The following EMC3 variants were observed in gnomAD, a reference collection of about 807,000 sequenced individuals.
EMC3 encodes ER membrane protein complex subunit 3.
Under a neutral mutation model 36.6 loss-of-function variants are expected in EMC3, and 13 were observed. That is an observed-to-expected ratio of 0.35 (90% CI 0.23 to 0.56). EMC3 has a LOEUF of 0.56. EMC3 is among the 20% of genes least tolerant of loss of function. The pLI is 0.84. For synonymous variants in EMC3, 120 were observed against 111.9 expected (o/e 1.07, Z -0.46); for missense variants, 220 against 324.5 (o/e 0.68, Z 2.47).
intron 1 of EMC3, among the ~76,000 whole-genome samples, chr3:10,001,405 C>CAAAAAAA (rs60785369): frequency 2.5e-5 from 2 of 79,654 alleles, no homozygotes; most frequent in African/African-American, 4.1e-5. Flanking sequence ...GCTAAAAATA[C>CAAAAAAA]AAAAAAAAAA....
intron 1 of EMC3, chr3:10,005,180 G>C (rs1381339223): frequency 6.6e-6 from 1 of 151,510 alleles, no homozygotes; most frequent in African/African-American, 2.4e-5. Context: ...TGGCCACATC[G>C]AGGAGGAAGA....
upstream of EMC3, among the ~76,000 whole-genome samples, chr3:9,991,331 G>T (rs1004886261): frequency 1.3e-5 from 2 of 152,108 alleles, no homozygotes; most frequent in African/African-American, 4.8e-5. Flanking sequence ...GGAATCTACA[G>T]ATGTAAAAAA....
upstream of EMC3, among the ~76,000 whole-genome samples, chr3:9,991,562 C>T (rs1435494954): frequency 6.6e-6 from 1 of 152,162 alleles, no homozygotes; most frequent in East Asian, 1.9e-4. Context: ...TGTCGCCAGG[C>T]TGGAGTGCAG....
At chr3:9,996,462 TA>T (rs2086126014) in intron 1 of EMC3, among the ~76,000 whole-genome samples, 1 of 151,834 alleles carries the variant, frequency 6.6e-6, no homozygotes, top group Non-Finnish European at 1.5e-5. Flanking sequence ...GACACATAAA[TA>T]AAAATAAAAC....
At chr3:10,010,038 TGTCTG>T (rs1017580054) in intron 1 of EMC3, 1 of 152,652 alleles carries the variant, frequency 6.6e-6, no homozygotes, top group African/African-American at 2.4e-5. Context: ...CATCACATGG[TGTCTG>T]GTCCCCCCTG....
chr3:9,980,667 C>T (rs948467240), intron 1 of EMC3, among the ~76,000 whole-genome samples: 4 of 151,566 alleles, frequency 2.6e-5, no homozygotes, highest in Non-Finnish European at 5.9e-5. Context: ...GGATTACAGG[C>T]GTGAGCCACC....
intron 1 of EMC3, among the ~76,000 whole-genome samples, chr3:10,009,569 AG>A (rs980680039): frequency 6.6e-5 from 10 of 152,284 alleles, no homozygotes; most frequent in African/African-American, 2.4e-4. Context: ...CACGGGGTGG[AG>A]GGGCAAGGGC....
intron 7 of EMC3, among the ~76,000 whole-genome samples, chr3:9,965,237 T>C (rs2085725084): frequency 6.6e-6 from 1 of 151,674 alleles, no homozygotes; most frequent in Non-Finnish European, 1.5e-5. Flanking sequence ...CGAGATCCCA[T>C]CTCTATACAA....
In EMC3 at chr3:9,963,464, T is replaced by C. The variant is rs769083321; in HGVS notation, c.*605A>G. ...GCTTCTGCTAAGATAGATATATATATATATATATATATATTTTTTTTTTTT... is the reference window on the plus strand; with the variant it reads ...GCTTCTGCTAAGATAGATATATATACATATATATATATATTTTTTTTTTTT... On this transcript the variant is annotated 3_prime_UTR_variant, in exon 8 of 8. Transcript: ENST00000245046. 3 of 106,322 alleles carry C rather than the reference T, an allele frequency of 2.8e-5. No homozygotes were observed. Among genetic ancestry groups the C allele is most frequent in the African/African-American group, 1.1e-4 (3 of 27,716 alleles). The allele number at this position is 106,322 out of a possible 1,614,324, so 6.6% of individuals were successfully genotyped here.
chr3:9,994,308 C>T, intron 1 of EMC3: 1 of 961,848 alleles, frequency 1.0e-6, no homozygotes, highest in South Asian at 1.3e-5. Flanking sequence ...TGTTTTTTGA[C>T]ACATACTGCC....
At chr3:9,970,207 T>C (rs550759233) in intron 6 of EMC3, among the ~76,000 whole-genome samples, 2 of 152,342 alleles carry the variant, frequency 1.3e-5, no homozygotes, top group South Asian at 2.1e-4. Context: ...TTAAGTAACT[T>C]TTCTGAGGTC....
chr3:9,996,815 C>G (rs1414171070), intron 1 of EMC3, among the ~76,000 whole-genome samples: 6 of 152,134 alleles, frequency 3.9e-5, no homozygotes, highest in Non-Finnish European at 7.4e-5. Flanking sequence ...TTGTGTTTAC[C>G]TGTAGTTTCC....
Position 9,973,721 on chromosome 3 carries a change from A to G in EMC3, c.413-12T>C. On this transcript the variant is annotated splice_polypyrimidine_tract_variant and intron_variant, in intron 4 of 7. Transcript: ENST00000245046. ...AAATGGGACCTTGGCTGCAGAGAAGAAAAAGTTCACAATCACTCTGAGCTG... is the reference window on the plus strand; with the variant it reads ...AAATGGGACCTTGGCTGCAGAGAAGGAAAAGTTCACAATCACTCTGAGCTG... 1 of 1,611,518 alleles carries G rather than the reference A, an allele frequency of 6.2e-7. No homozygotes were observed. Among genetic ancestry groups the G allele is most frequent in the East Asian group, 2.2e-5 (1 of 44,866 alleles).
At chr3:10,002,639 G>A in intron 1 of EMC3, 8 of 375,162 alleles carry the variant, frequency 2.1e-5, no homozygotes, top group South Asian at 1.6e-4. Flanking sequence ...TCCACCCAGA[G>A]CAACAGCAGC....
At chr3:9,987,232 A>AAG (rs57871616), upstream of EMC3, 3 of 979,016 alleles carry the variant, frequency 3.1e-6, no homozygotes, top group African/African-American at 3.6e-5. Flanking sequence ...AAAAAAAAAA[A>AAG]GAAAGAAAAC....
chr3:9,969,932 G>A lies in EMC3; in HGVS notation c.575-131C>T, dbSNP rs138821568. 5.8e-4 allele frequency: 815 copies of A among 1,410,820 alleles called. 6 individuals are homozygous for A. The East Asian group carries it at 0.019, about 33-fold the overall frequency. The allele number at this position is 1,410,820 out of a possible 1,614,324, so 87.4% of individuals were successfully genotyped here. A position where few individuals can be genotyped will look rare whatever the true frequency, so the allele number is the denominator to read the frequency against. On this transcript the variant is annotated intron_variant, in intron 6 of 7. Transcript: ENST00000245046. ...CACTGGCTGGCCCTGTCACCCACTG[G>A]CTATGTGACTCTAGGAAAGTCACTT... is the stretch of plus-strand genomic sequence containing the variant.
chr3:9,992,749 A>G, intron 1 of EMC3: 2 of 666,146 alleles, frequency 3.0e-6, no homozygotes, highest in Non-Finnish European at 5.2e-6. Context: ...TGTAGATACT[A>G]CCAGGGGAGT....
chr3:9,969,342 C>T, intron 7 of EMC3: 1 of 1,107,378 alleles, frequency 9.0e-7, no homozygotes, highest in Non-Finnish European at 1.1e-6. Flanking sequence ...TTTGCAAATT[C>T]TAGAACCTTT....
intron 5 of EMC3, among the ~76,000 whole-genome samples, chr3:9,971,589 A>C (rs3732968): frequency 1.3e-5 from 2 of 152,178 alleles, no homozygotes; most frequent in Non-Finnish European, 2.9e-5. Context: ...GCGTCTGTCC[A>C]TGACTGCATT....
Sources: gnomAD v4.1 joint callset for allele counts (sites outside exome capture counted in the v4.1 genomes callset) on GRCh38, gnomAD v4.1.1 for gene constraint, MANE v1.5 for transcripts, NCBI Gene and HGNC (gene_info 2026-07-23, HGNC 2026-07-21) for gene names.